The following ATP8A2 variants were observed in gnomAD, a reference collection of about 807,000 sequenced individuals.
ATP8A2 encodes the protein phospholipid-transporting ATPase IB.
Under a neutral mutation model 165.6 loss-of-function variants are expected in ATP8A2, and 100 were observed. That is an observed-to-expected ratio of 0.60 (90% confidence interval 0.51 to 0.71). The LOEUF (loss-of-function observed/expected upper bound fraction) is 0.71. Ranked by LOEUF, ATP8A2 falls within the 30% of genes least tolerant of loss-of-function variation. ATP8A2 has a pLI of 0.00. For synonymous variants in ATP8A2, 543 were observed against 548.8 expected (o/e 0.99, Z 0.15); for missense variants, 1,227 against 1,479.5 (o/e 0.83, Z 2.80).
At chr13:25,496,038 C>T (rs1334948935) in intron 2 of ATP8A2, among the ~76,000 whole-genome samples, 2 of 152,076 alleles carry the variant, frequency 1.3e-5, no homozygotes, top group Admixed American at 1.3e-4. Flanking sequence ...ACTAGATGTT[C>T]CCCGTGAAAC....
chr13:25,889,958 C>T (rs940805477), intron 33 of ATP8A2, among the ~76,000 whole-genome samples: 1 of 152,004 alleles, frequency 6.6e-6, no homozygotes, highest in Non-Finnish European at 1.5e-5. Context: ...GTTAGGAGAT[C>T]GAGACCATCC....
intron 27 of ATP8A2, among the ~76,000 whole-genome samples, chr13:25,807,486 T>C (rs1950767845): frequency 6.6e-6 from 1 of 152,234 alleles, no homozygotes; most frequent in East Asian, 1.9e-4. Context: ...TGAAAATCAA[T>C]TGACTAAAAC....
rs372468012 is a variant in ATP8A2, at chr13:25,888,583, G to A, written c.3183+26175G>A. Among the ~76,000 whole-genome samples, 4 of 149,636 alleles carry A rather than the reference G, an allele frequency of 2.7e-5. No homozygotes were observed. The East Asian group carries it at 5.8e-4, about 22-fold the overall frequency. On this transcript the variant is annotated intron_variant, in intron 33 of 36. Coordinates refer to ENST00000381655, the MANE Select transcript of ATP8A2 (RefSeq NM_016529.6). The stretch of plus-strand genomic sequence containing the variant: ...ATATAGAAGTTTGTAGAGTTCAGCC[G>A]GGTGTGGTGGCTCACACCTGTAATC...
chr13:25,744,173 T>TAAAAAGAAAAATGAAAAAG (rs2043977579), intron 25 of ATP8A2, among the ~76,000 whole-genome samples: 1 of 152,212 alleles, frequency 6.6e-6, no homozygotes, highest in Non-Finnish European at 1.5e-5. Flanking sequence ...CGATTCTTTT[T>TAAAAAGAAAAATGAAAAAG]CATTTTTCTG....
chr13:25,943,643 C>T (rs306401), intron 33 of ATP8A2, among the ~76,000 whole-genome samples: 134,026 of 152,268 alleles, frequency 0.88, 59,139 homozygotes, highest in East Asian at 0.99. Flanking sequence ...TTAAGCAATA[C>T]GCATCTGTAT....
chr13:25,595,498 G>A lies in ATP8A2; in HGVS notation c.2211+5799G>A, dbSNP rs182980016. Among the ~76,000 whole-genome samples the A allele has an allele frequency of 2.5e-3, 383 of 152,242 alleles. 4 individuals are homozygous for A. The highest frequency in any genetic ancestry group is 8.4e-3 in the African/African-American group (348 of 41,548). The stretch of plus-strand genomic sequence containing the variant: ...GACCTTGTGCATTACCCATTGAGAA[G>A]GAAATCTCTTGCCCTGGTTCCTCAG... On this transcript the variant is annotated intron_variant, in intron 24 of 36. Coordinates refer to ENST00000381655, the MANE Select transcript of ATP8A2 (RefSeq NM_016529.6).
rs538321999 is a variant in ATP8A2, at chr13:25,952,943, T to G, written c.3184-8632T>G. On this transcript the variant is annotated intron_variant, in intron 33 of 36. Transcript: ENST00000381655. ...ATGCACGCTCATGAAAACCAAGGTT[T>G]TCAGAAAGCCAAACCTCAAAAACAA... is the stretch of plus-strand genomic sequence containing the variant. Among the ~76,000 whole-genome samples, 62 of 152,300 alleles carry G rather than the reference T, an allele frequency of 4.1e-4. No individual in the cohort carries two copies. The South Asian group carries it at 6.8e-3, about 17-fold the overall frequency.
At chr13:25,990,952 A>G (rs767539160) in intron 35 of ATP8A2, among the ~76,000 whole-genome samples, 7 of 152,040 alleles carry the variant, frequency 4.6e-5, no homozygotes, top group Non-Finnish European at 8.8e-5. Flanking sequence ...ACCTTTTCAT[A>G]GGCTTGCCGA....
At position 25,691,372 on chromosome 13, in the gene ATP8A2, AG is replaced by A. The variant is rs576941331; in HGVS notation, c.2212-7800del. Among the ~76,000 whole-genome samples the A allele has an allele frequency of 4.6e-5, 7 of 152,352 alleles. No homozygotes were observed. The South Asian group carries it at 8.3e-4, about 18-fold the overall frequency. On this transcript the variant is annotated intron_variant, in intron 24 of 36. Transcript: ENST00000381655. ...AGTTAATAAAGCTGATTAACAAAAG[AG>A]TATTTCTGTAGAGGCTTACATGCTA...
chr13:25,877,079 A>T (rs759767817), intron 33 of ATP8A2, among the ~76,000 whole-genome samples: 9 of 152,108 alleles, frequency 5.9e-5, no homozygotes, highest in Non-Finnish European at 1.2e-4. Flanking sequence ...TCAGTGGTTC[A>T]AACTTAGTGG....
intron 24 of ATP8A2, among the ~76,000 whole-genome samples, chr13:25,609,389 T>A (rs1278850194): frequency 1.3e-5 from 2 of 151,434 alleles, no homozygotes; most frequent in Admixed American, 1.3e-4. Flanking sequence ...AAATAGAAAA[T>A]GTGAATAGAT....
intron 1 of ATP8A2, among the ~76,000 whole-genome samples, chr13:25,419,504 AT>A (rs5802335): frequency 0.36 from 55,090 of 152,034 alleles, 12,046 homozygotes; most frequent in African/African-American, 0.61. Context: ...CTGTTTTAGC[AT>A]TTTTTATGCT....
Position 25,725,883 on chromosome 13 carries a change from C to T in ATP8A2, c.2384+26538C>T, listed in dbSNP as rs1192609819. ...TGGCAGAAACACTCCTACCAGCATA[C>T]ACTCATTCTGTACTAGGAACTATAG... On this transcript the variant is annotated intron_variant, in intron 25 of 36. Transcript: ENST00000381655. 3.3e-5 allele frequency among the ~76,000 whole-genome samples: 5 copies of T among 152,166 alleles called. No individual in the cohort carries two copies. In the East Asian group the frequency reaches 9.6e-4, roughly 29 times the overall value.
intron 24 of ATP8A2, among the ~76,000 whole-genome samples, chr13:25,696,725 T>C (rs752064565): frequency 6.6e-6 from 1 of 152,260 alleles, no homozygotes; most frequent in Non-Finnish European, 1.5e-5. Context: ...ATGTTGTGGT[T>C]CCAGACCACT....
chr13:25,549,898 A>G (rs572450458), intron 10 of ATP8A2, among the ~76,000 whole-genome samples: 40 of 150,958 alleles, frequency 2.6e-4, no homozygotes, highest in African/African-American at 9.6e-4. Flanking sequence ...CTCCCTTTTG[A>G]TGACCCTTGT....
intron 15 of ATP8A2, among the ~76,000 whole-genome samples, chr13:25,560,659 C>G (rs372537031): frequency 7.2e-6 from 1 of 139,720 alleles, no homozygotes; most frequent in Non-Finnish European, 1.5e-5. Context: ...GAGATGGCAC[C>G]ACTGCATTCC....
intron 23 of ATP8A2, among the ~76,000 whole-genome samples, chr13:25,587,668 GATGAAGAA>G (rs2039961777): frequency 6.6e-6 from 1 of 152,222 alleles, no homozygotes; most frequent in African/African-American, 2.4e-5. Flanking sequence ...AGTCTCTGGG[GATGAAGAA>G]AGAATAAATC....
At chr13:25,934,070 A>C (rs1954827894) in intron 33 of ATP8A2, among the ~76,000 whole-genome samples, 1 of 152,228 alleles carries the variant, frequency 6.6e-6, no homozygotes, top group Non-Finnish European at 1.5e-5. Context: ...ACTACCCAAA[A>C]GAAAAGGTTT....
chr13:25,697,912 A>T (rs940101603), intron 24 of ATP8A2, among the ~76,000 whole-genome samples: 1 of 152,240 alleles, frequency 6.6e-6, no homozygotes, highest in Non-Finnish European at 1.5e-5. Context: ...GAGAATAAAC[A>T]CTGAACAATA....
Sources: gnomAD v4.1 joint callset for allele counts (sites outside exome capture counted in the v4.1 genomes callset) on GRCh38, gnomAD v4.1.1 for gene constraint, MANE v1.5 for transcripts, NCBI Gene and HGNC (gene_info 2026-07-23, HGNC 2026-07-21) for gene names.